The following ATP8B4 variants were observed in gnomAD, a reference collection of about 807,000 sequenced individuals.
The protein encoded by ATP8B4 is probable phospholipid-transporting ATPase IM.
A neutral mutation model predicts 145.6 loss-of-function variants in ATP8B4; 133 were observed. That is an observed-to-expected ratio of 0.91 (90% CI 0.79 to 1.05). The LOEUF is 1.05. ATP8B4 is among the 50% of genes least tolerant of loss of function. The probability of loss-of-function intolerance (pLI) is 0.00; values close to 1 mark genes in which losing one functional copy is unlikely to be tolerated. For missense variants in ATP8B4, 1,458 were observed against 1,425.2 expected, an observed-to-expected ratio of 1.02 and a Z score of -0.37; for synonymous variants, 507 against 492.9, an observed-to-expected ratio of 1.03 and a Z score of -0.38.
At chr15:49,995,851 A>G (rs1480922877) in intron 9 of ATP8B4, among the ~76,000 whole-genome samples, 1 of 152,164 alleles carries the variant, frequency 6.6e-6, no homozygotes, top group Non-Finnish European at 1.5e-5. Context: ...GAGGAGTGAA[A>G]GGGAGACTCC....
intron 1 of ATP8B4, among the ~76,000 whole-genome samples, chr15:50,152,534 A>G (rs191179975): frequency 1.2e-4 from 19 of 152,328 alleles, no homozygotes; most frequent in African/African-American, 4.6e-4. Context: ...CTACAAGATG[A>G]GAGATACAGT....
At position 49,931,242 on chromosome 15, in the gene ATP8B4, C is replaced by G. The variant is rs912343837; in HGVS notation, c.1519G>C (p.Gly507Arg). ...GGGGTCCGGGATTTAAAAATGAACC[C>G]AAAATTTCTAGCGGCAGTCACTAGA... ...GALVTAARNF[G>R]FIFKSRTPET... Residue 507 changes from glycine (G) to arginine (R), a missense_variant, in exon 16 of 28, where the codon GGG becomes CGG. Gly to Arg is a moderately radical substitution (Grantham distance 125). Transcript: ENST00000284509. 1.2e-6 allele frequency: 2 copies of G among 1,612,656 alleles called. No individual in the cohort carries two copies. Among genetic ancestry groups the G allele is most frequent in the Non-Finnish European group, 1.7e-6 (2 of 1,179,174 alleles).
chr15:50,150,600 G>C (rs75898505), intron 1 of ATP8B4, among the ~76,000 whole-genome samples: 9,315 of 152,262 alleles, frequency 0.061, 409 homozygotes, highest in Middle Eastern at 0.095. Flanking sequence ...AGCAACAAAG[G>C]GAGTTTGAAG....
chr15:49,929,571 G>GAATAT (rs2041064195), intron 16 of ATP8B4, among the ~76,000 whole-genome samples: 1 of 152,080 alleles, frequency 6.6e-6, no homozygotes, highest in South Asian at 2.1e-4. Context: ...GAAGGTCACA[G>GAATAT]AATATAAGCA....
chr15:50,158,833 G>C (rs2044471756), intron 1 of ATP8B4, among the ~76,000 whole-genome samples: 1 of 152,204 alleles, frequency 6.6e-6, no homozygotes, highest in Admixed American at 6.5e-5. Context: ...TGAAACATGT[G>C]CTGTGCCCAC....
At chr15:49,984,671 C>G (rs2046432471) in intron 10 of ATP8B4, among the ~76,000 whole-genome samples, 2 of 152,036 alleles carry the variant, frequency 1.3e-5, no homozygotes. Flanking sequence ...TCCTTTTGAT[C>G]TCTTCCTAGG....
chr15:50,124,440 A>C (rs12915042), intron 1 of ATP8B4, among the ~76,000 whole-genome samples: 46,820 of 152,074 alleles, frequency 0.31, 8,258 homozygotes, highest in Middle Eastern at 0.47. Context: ...TGAAAAGAAC[A>C]AAAAGAGAAT....
chr15:49,967,080 A>G (rs2044621896), intron 13 of ATP8B4, among the ~76,000 whole-genome samples: 1 of 152,226 alleles, frequency 6.6e-6, no homozygotes, highest in South Asian at 2.1e-4. Flanking sequence ...ATCAACATCA[A>G]CAAAAAGGAC....
At chr15:50,069,956 G>C (rs2053620899) in intron 3 of ATP8B4, among the ~76,000 whole-genome samples, 1 of 152,152 alleles carries the variant, frequency 6.6e-6, no homozygotes, top group Non-Finnish European at 1.5e-5. Flanking sequence ...TATTATCTGT[G>C]TGACCCTGAG....
At chr15:50,047,128 T>A (rs1165732913) in intron 4 of ATP8B4, among the ~76,000 whole-genome samples, 4 of 152,218 alleles carry the variant, frequency 2.6e-5, no homozygotes, top group Non-Finnish European at 5.9e-5. Flanking sequence ...CAAGGCTGTG[T>A]TTTAAAGTGA....
At chr15:50,025,984 T>C (rs2049979555) in intron 6 of ATP8B4, among the ~76,000 whole-genome samples, 1 of 152,220 alleles carries the variant, frequency 6.6e-6, no homozygotes, top group Non-Finnish European at 1.5e-5. Context: ...CTTTGAATTG[T>C]CTCCTGACAC....
chr15:50,071,625 T>G (rs976204267), intron 3 of ATP8B4, among the ~76,000 whole-genome samples: 7 of 152,220 alleles, frequency 4.6e-5, no homozygotes, highest in African/African-American at 1.7e-4. Context: ...TTCTCCACAG[T>G]TAAAGGACTG....
chr15:50,043,937 G>A (rs1195820141), intron 5 of ATP8B4, among the ~76,000 whole-genome samples: 1 of 148,404 alleles, frequency 6.7e-6, no homozygotes, highest in Non-Finnish European at 1.5e-5. Flanking sequence ...TCCGGCCTGG[G>A]CGACAGAGCG....
At chr15:50,161,749 A>T (rs1031000633) in intron 1 of ATP8B4, among the ~76,000 whole-genome samples, 1 of 151,972 alleles carries the variant, frequency 6.6e-6, no homozygotes, top group African/African-American at 2.4e-5. Flanking sequence ...ACTATCTTTG[A>T]TAGGTTCATC....
intron 6 of ATP8B4, among the ~76,000 whole-genome samples, chr15:50,029,023 A>G (rs1340901095): frequency 2.0e-5 from 3 of 151,902 alleles, no homozygotes; most frequent in African/African-American, 4.8e-5. Flanking sequence ...TCATGAGGTC[A>G]GGAGATTGAG....
At chr15:49,922,684 A>T (rs1312428291) in intron 17 of ATP8B4, among the ~76,000 whole-genome samples, 1 of 152,228 alleles carries the variant, frequency 6.6e-6, no homozygotes, top group African/African-American at 2.4e-5. Flanking sequence ...ATAGGCAAAT[A>T]TTTGAGACAC....
At chr15:49,949,609 T>G (rs762143475) in intron 14 of ATP8B4, among the ~76,000 whole-genome samples, 1 of 152,138 alleles carries the variant, frequency 6.6e-6, no homozygotes, top group Non-Finnish European at 1.5e-5. Flanking sequence ...TCATATCGTA[T>G]GCCAACAAAG....
At chr15:50,156,834 T>G (rs2044428003) in intron 1 of ATP8B4, among the ~76,000 whole-genome samples, 1 of 152,214 alleles carries the variant, frequency 6.6e-6, no homozygotes, top group Admixed American at 6.5e-5. Flanking sequence ...AAAGACTATC[T>G]TATAAATCCT....
intron 8 of ATP8B4, among the ~76,000 whole-genome samples, chr15:49,998,256 G>A (rs991294275): frequency 3.9e-5 from 6 of 152,168 alleles, no homozygotes; most frequent in African/African-American, 1.4e-4. Flanking sequence ...TATATACCCA[G>A]TAATGGGATG....
Sources: allele counts gnomAD v4.1 joint callset (sites outside exome capture counted in the v4.1 genomes callset), GRCh38; gene constraint gnomAD v4.1.1; transcripts MANE v1.5; gene names NCBI Gene and HGNC (gene_info 2026-07-23, HGNC 2026-07-21).